The following ZBED4 variants were observed in gnomAD, a reference collection of about 807,000 sequenced individuals.
The protein encoded by ZBED4 is zinc finger BED-type containing 4.
A neutral mutation model predicts 15.5 loss-of-function variants in ZBED4; 4 were observed. The ratio of observed to expected loss-of-function variants is 0.26; its 90% confidence interval spans 0.13 to 0.59. ZBED4 has a LOEUF of 0.59. Among genes scored for constraint, ZBED4 ranks in the 20% least tolerant of loss-of-function variants. ZBED4 has a pLI of 0.90. For synonymous variants in ZBED4, 692 were observed against 608.5 expected, an observed-to-expected ratio of 1.14 and a Z score of -2.02; for missense variants, 1,323 against 1,461.8, an observed-to-expected ratio of 0.91 and a Z score of 1.55.
chr22:49,875,086 T>TA (rs2060369108), intron 1 of ZBED4, among the ~76,000 whole-genome samples: 1 of 152,226 alleles, frequency 6.6e-6, no homozygotes, highest in South Asian at 2.1e-4. Context: ...ACAGTTTTGT[T>TA]AAGGATTTTT....
chr22:49,869,917 G>C (rs1023858373), intron 1 of ZBED4, among the ~76,000 whole-genome samples: 1 of 152,168 alleles, frequency 6.6e-6, no homozygotes, highest in Non-Finnish European at 1.5e-5. Context: ...CGCCCAGATC[G>C]TGAGCATGGT....
Position 49,871,522 on chromosome 22 carries a change from C to T in ZBED4, c.-329-11812C>T, listed in dbSNP as rs142608067. ...AGTTACATTTTCAGTATAATGTAGT[C>T]TGGTAAGCGTGCAATAGCATGACGT... On this transcript the variant is annotated intron_variant, in intron 1 of 1. Transcript: ENST00000216268. 7.9e-5 allele frequency among the ~76,000 whole-genome samples: 12 copies of T among 152,174 alleles called. No individual in the cohort carries two copies. In the East Asian group the frequency reaches 2.3e-3, roughly 30 times the overall value.
chr22:49,876,386 G>A (rs780117197), intron 1 of ZBED4, among the ~76,000 whole-genome samples: 1 of 152,140 alleles, frequency 6.6e-6, no homozygotes, highest in Non-Finnish European at 1.5e-5. Context: ...ATCTCCATCC[G>A]TGATGGTGAC....
rs2060426316 is a variant in ZBED4 at position 49,884,514 on chromosome 22, C to T, written c.852C>T (p.Ser284=). ...CACTTCCAAAGAGCACCTCTGGGTC[C>T]AGGAGAAGGTCCGCTGTCTGGAAGC... is the stretch of plus-strand genomic sequence containing the variant. The part of the protein sequence containing the change: ...SLPLPKSTSG[S]RRRSAVWKHF... The change falls in exon 2 of 2, where the codon TCC becomes TCT. Residue 284 remains serine (S), a synonymous_variant. Coordinates refer to ENST00000216268, the MANE Select transcript of ZBED4 (RefSeq NM_014838.3). The T allele has an allele frequency of 6.2e-7, 1 of 1,614,012 alleles. No homozygotes were observed. Among genetic ancestry groups the T allele is most frequent in the African/African-American group, 1.3e-5 (1 of 74,912 alleles).
chr22:49,872,819 C>T (rs1430329751), intron 1 of ZBED4, among the ~76,000 whole-genome samples: 1 of 151,978 alleles, frequency 6.6e-6, no homozygotes, highest in Non-Finnish European at 1.5e-5. Context: ...AATTCTCCTG[C>T]CTCAGCCTCC....
At chr22:49,861,044 G>A (rs2060295125) in intron 1 of ZBED4, among the ~76,000 whole-genome samples, 1 of 152,028 alleles carries the variant, frequency 6.6e-6, no homozygotes, top group Admixed American at 6.6e-5. Context: ...CCAAAGTGCT[G>A]GGATAATGGG....
intron 1 of ZBED4, among the ~76,000 whole-genome samples, chr22:49,857,093 C>A (rs1365172428): frequency 2.0e-5 from 3 of 152,236 alleles, no homozygotes; most frequent in African/African-American, 7.2e-5. Flanking sequence ...GAGGGGCTGA[C>A]TTCCTCCAAA....
intron 1 of ZBED4, among the ~76,000 whole-genome samples, chr22:49,868,417 A>C (rs1798055770): frequency 6.6e-6 from 1 of 152,078 alleles, no homozygotes; most frequent in South Asian, 2.1e-4. Context: ...CCATCTCCAC[A>C]AAAAATGCAA....
rs2060454129 is a variant in ZBED4, at chr22:49,888,948, C to T, written c.*1770C>T. 6.0e-6 allele frequency: 1 copy of T among 167,254 alleles called. No individual in the cohort carries two copies. Among genetic ancestry groups the T allele is most frequent in the South Asian group, 2.1e-4 (1 of 4,830 alleles). 10.4% of individuals were successfully genotyped at this position (167,254 alleles called of 1,614,324 possible). Reference sequence around the variant, plus strand: ...GCCACAGTTCTTGCTTAGCTGTGCTCACGACCAGCTTGCAGTCCTGTGTTT... The same window carrying T: ...GCCACAGTTCTTGCTTAGCTGTGCTTACGACCAGCTTGCAGTCCTGTGTTT... On this transcript the variant is annotated 3_prime_UTR_variant, in exon 2 of 2. Coordinates refer to ENST00000216268, the MANE Select transcript of ZBED4 (RefSeq NM_014838.3).
At chr22:49,875,376 C>A (rs1178499169) in intron 1 of ZBED4, among the ~76,000 whole-genome samples, 1 of 150,240 alleles carries the variant, frequency 6.7e-6, no homozygotes, top group Non-Finnish European at 1.5e-5. Context: ...TTCTGTCTTT[C>A]AAGTAATTTG....
intron 1 of ZBED4, among the ~76,000 whole-genome samples, chr22:49,861,783 T>A (rs569066576): frequency 6.6e-6 from 1 of 152,282 alleles, no homozygotes; most frequent in Non-Finnish European, 1.5e-5. Context: ...AATGTGTGGG[T>A]CCTATTGACG....
At chr22:49,855,260 G>C (rs2060270137) in intron 1 of ZBED4, among the ~76,000 whole-genome samples, 1 of 152,078 alleles carries the variant, frequency 6.6e-6, no homozygotes, top group Admixed American at 6.6e-5. Flanking sequence ...TCAGAGGCCC[G>C]GTCTTTGAGG....
intron 1 of ZBED4, among the ~76,000 whole-genome samples, chr22:49,875,648 T>C (rs950370169): frequency 1.3e-5 from 2 of 152,152 alleles, no homozygotes; most frequent in African/African-American, 4.8e-5. Flanking sequence ...CTCGATCTAC[T>C]GACCTCAAGT....
chr22:49,879,235 C>T (rs2060394904), intron 1 of ZBED4, among the ~76,000 whole-genome samples: 2 of 151,380 alleles, frequency 1.3e-5, no homozygotes, highest in South Asian at 4.2e-4. Flanking sequence ...AGCGATTCTC[C>T]TGCCTCAGCC....
chr22:49,866,961 G>GTTTGC (rs933778945), intron 1 of ZBED4, among the ~76,000 whole-genome samples: 30 of 152,122 alleles, frequency 2.0e-4, no homozygotes, highest in Admixed American at 6.6e-4. Context: ...CATTGGTTTG[G>GTTTGC]TTTGCTGTTT....
In ZBED4 at chr22:49,884,226, G is replaced by T. The variant is rs757524342; in HGVS notation, c.564G>T (p.Leu188=). Residue 188 remains leucine, a synonymous_variant, in exon 2 of 2, where the codon CTG becomes CTT. Coordinates refer to ENST00000216268, the MANE Select transcript of ZBED4 (RefSeq NM_014838.3). ...AVSSFPSPSL[L]LPPQPADAGD... ...CCTCGTTCCCCTCTCCCTCACTCCT[G>T]CTTCCACCACAGCCTGCGGACGCGG... The T allele has an allele frequency of 3.1e-6, 5 of 1,602,560 alleles. No individual in the cohort carries two copies. Among genetic ancestry groups the T allele is most frequent in the African/African-American group, 1.3e-5 (1 of 74,642 alleles).
At position 49,884,563 on chromosome 22, in the gene ZBED4, A is replaced by G. The variant is rs980759467; in HGVS notation, c.901A>G (p.Asn301Asp). 1.1e-5 allele frequency: 18 copies of G among 1,613,358 alleles called. No homozygotes were observed. The highest frequency in any genetic ancestry group is 1.5e-5 in the Non-Finnish European group (18 of 1,179,590). Reference protein sequence around the residue: ...WKHFYLSPLDNSKAVCIHCMN... With the variant: ...WKHFYLSPLDDSKAVCIHCMN... ...GCACTTCTACCTGTCGCCACTGGAC[A>G]ACTCCAAAGCTGTCTGCATTCACTG... The change falls in exon 2 of 2, where the codon AAC becomes GAC. Residue 301 changes from asparagine (N) to aspartate (D), a missense_variant. Around this residue, in one of 6 missense-constraint regions of ZBED4, gnomAD observed 380 missense variants for 413.7 expected, o/e 0.92. Coordinates refer to ENST00000216268, the MANE Select transcript of ZBED4 (RefSeq NM_014838.3).
At chr22:49,870,907 C>T (rs751866650) in intron 1 of ZBED4, among the ~76,000 whole-genome samples, 2 of 151,226 alleles carry the variant, frequency 1.3e-5, no homozygotes, top group Admixed American at 6.6e-5. Context: ...TCATAATTCA[C>T]GTAGCTACAT....
rs1360201812 is a variant in ZBED4 at position 49,889,076 on chromosome 22, T to G, written c.*1898T>G. On this transcript the variant is annotated 3_prime_UTR_variant, in exon 2 of 2. Transcript: ENST00000216268. ...GCCAGCACAACTAACTGTAGCAGAA[T>G]TGTATCCACTCATTCATTCAACTGA... The G allele has an allele frequency of 6.0e-6, 1 of 167,350 alleles. No homozygotes were observed. 10.4% of individuals were successfully genotyped at this position (167,350 alleles called of 1,614,324 possible).
Sources: gnomAD v4.1 joint callset for allele counts (sites outside exome capture counted in the v4.1 genomes callset) on GRCh38, gnomAD v4.1.1 for gene constraint, gnomAD v4.1.1 regional missense constraint, MANE v1.5 for transcripts, NCBI Gene and HGNC (gene_info 2026-07-23, HGNC 2026-07-21) for gene names.